The following SUGCT variants were observed in gnomAD, a reference collection of about 807,000 sequenced individuals.
The protein encoded by SUGCT is succinyl-CoA:glutarate-CoA transferase.
A neutral mutation model predicts 55.0 loss-of-function variants in SUGCT; 41 were observed. That is an observed-to-expected ratio of 0.74 (90% CI 0.58 to 0.97). The LOEUF (loss-of-function observed/expected upper bound fraction) is 0.97. Ranked by LOEUF, SUGCT falls within the 50% of genes least tolerant of loss-of-function variation. The pLI is 0.00. For missense variants in SUGCT, 568 were observed against 547.8 expected (o/e 1.04, Z -0.37); for synonymous variants, 187 against 200.4 (o/e 0.93, Z 0.56).
chr7:40,459,228 A>C (rs2151445863), intron 11 of SUGCT, 30 bp downstream of exon 11: 1 of 1,369,098 alleles, frequency 7.3e-7, no homozygotes, highest in East Asian at 2.3e-5. Context: ...TCATCCATTT[A>C]AGAATTAATA....
chr7:40,639,772 C>T (rs1800186903), intron 12 of SUGCT, among the ~76,000 whole-genome samples: 1 of 152,020 alleles, frequency 6.6e-6, no homozygotes, highest in Admixed American at 6.6e-5. Context: ...CTCGGCCTCC[C>T]AAAGTGCTGG....
At chr7:40,442,692 AG>A (rs1788580643) in intron 9 of SUGCT, among the ~76,000 whole-genome samples, 1 of 152,114 alleles carries the variant, frequency 6.6e-6, no homozygotes, top group African/African-American at 2.4e-5. Context: ...CTTGTTAAAA[AG>A]CTTAAAAAGT....
the SUGCT span, among the ~76,000 whole-genome samples, chr7:40,899,358 A>G: frequency 1.3e-5 from 2 of 152,140 alleles, no homozygotes; most frequent in East Asian, 1.9e-4. Context: ...CTCGGTGGCT[A>G]TAAATACGCC....
chr7:40,426,141 G>A (rs140386419), intron 9 of SUGCT, among the ~76,000 whole-genome samples: 251 of 152,210 alleles, frequency 1.6e-3, no homozygotes, highest in South Asian at 4.8e-3. Context: ...AAAGGACTGA[G>A]AGAAGTTACT....
intron 12 of SUGCT, among the ~76,000 whole-genome samples, chr7:40,566,108 C>T (rs1289930440): frequency 6.6e-6 from 1 of 151,974 alleles, no homozygotes; most frequent in Middle Eastern, 3.2e-3. Flanking sequence ...ACTCTGCTTC[C>T]CATGGAGCGT....
At chr7:40,909,026 A>T in the SUGCT span, among the ~76,000 whole-genome samples, 6 of 152,152 alleles carry the variant, frequency 3.9e-5, no homozygotes, top group South Asian at 1.2e-3. Context: ...TACCCCCAAG[A>T]CTATCTCTGG....
the SUGCT span, among the ~76,000 whole-genome samples, chr7:40,934,737 C>T: frequency 6.6e-6 from 1 of 152,192 alleles, no homozygotes; most frequent in Non-Finnish European, 1.5e-5. Flanking sequence ...GGGTGTAGGA[C>T]CCGCCAAGCC....
In SUGCT at chr7:40,459,147, A is replaced by G. The variant is rs1478841744; in HGVS notation, c.935A>G (p.Asn312Ser). 1.2e-6 allele frequency: 2 copies of G among 1,612,026 alleles called. No homozygotes were observed. The highest frequency in any genetic ancestry group is 1.7e-6 in the Non-Finnish European group (2 of 1,178,916). ...ELIDNSKYKT[N>S]HLRVHNRKEL... ...ATTGATAATTCCAAGTATAAAACTAACCACCTTCGGGTACACAATAGAAAA... is the reference window on the plus strand; with the variant it reads ...ATTGATAATTCCAAGTATAAAACTAGCCACCTTCGGGTACACAATAGAAAA... Residue 312 changes from asparagine to serine, a missense_variant, in exon 11 of 14, where the codon AAC becomes AGC. Physicochemically the swap from Asn to Ser is conservative, Grantham distance 46. Coordinates refer to ENST00000335693, the MANE Select transcript of SUGCT (RefSeq NM_001193313.2).
chr7:40,158,077 C>T (rs778402911), intron 1 of SUGCT, among the ~76,000 whole-genome samples: 5 of 151,934 alleles, frequency 3.3e-5, no homozygotes, highest in African/African-American at 4.8e-5. Context: ...TATGGTTGTG[C>T]GTGTCTGTAA....
At chr7:40,256,258 C>T (rs1052163087) in intron 7 of SUGCT, among the ~76,000 whole-genome samples, 1 of 152,134 alleles carries the variant, frequency 6.6e-6, no homozygotes. Flanking sequence ...TTTCTGGGAC[C>T]AGATACAGAT....
At chr7:40,772,738 C>T (rs1474987411) in intron 13 of SUGCT, among the ~76,000 whole-genome samples, 1 of 151,892 alleles carries the variant, frequency 6.6e-6, no homozygotes, top group Non-Finnish European at 1.5e-5. Context: ...TCAAGGGATC[C>T]TCCCACCTCA....
intron 6 of SUGCT, among the ~76,000 whole-genome samples, chr7:40,215,552 A>C (rs1045542433): frequency 6.6e-6 from 1 of 152,164 alleles, no homozygotes; most frequent in African/African-American, 2.4e-5. Context: ...AAATACAATT[A>C]ATGTTAAGAG....
intron 8 of SUGCT, among the ~76,000 whole-genome samples, chr7:40,292,205 T>C (rs1793832249): frequency 6.6e-6 from 1 of 152,210 alleles, no homozygotes; most frequent in Admixed American, 6.5e-5. Flanking sequence ...TTTACATTGC[T>C]GGTGGAGTTG....
intron 13 of SUGCT, among the ~76,000 whole-genome samples, chr7:40,859,814 G>A (rs1344879740): frequency 3.3e-5 from 5 of 152,180 alleles, no homozygotes; most frequent in African/African-American, 1.2e-4. Context: ...ACCACCAAAA[G>A]CCTTGAACCA....
chr7:40,725,928 C>T (rs575763198), intron 12 of SUGCT, among the ~76,000 whole-genome samples: 1 of 152,028 alleles, frequency 6.6e-6, no homozygotes, highest in Non-Finnish European at 1.5e-5. Context: ...AGAGGGATGG[C>T]AAAGAGCTCC....
At chr7:40,430,463 C>T (rs1437522330) in intron 9 of SUGCT, among the ~76,000 whole-genome samples, 2 of 152,118 alleles carry the variant, frequency 1.3e-5, no homozygotes. Context: ...ATTTTTATGT[C>T]TTCTTTAGAG....
chr7:40,948,921 G>T, the SUGCT span, among the ~76,000 whole-genome samples: 4 of 152,170 alleles, frequency 2.6e-5, no homozygotes, highest in Admixed American at 2.6e-4. Context: ...ACATACGTAT[G>T]CATGTGTCTT....
intron 12 of SUGCT, among the ~76,000 whole-genome samples, chr7:40,605,517 T>C (rs1584111274): frequency 6.6e-6 from 1 of 152,354 alleles, no homozygotes; most frequent in Non-Finnish European, 1.5e-5. Context: ...TTCATTCATT[T>C]ATTTTTCAGT....
At chr7:40,673,320 T>C (rs1203063997) in intron 12 of SUGCT, among the ~76,000 whole-genome samples, 1 of 152,186 alleles carries the variant, frequency 6.6e-6, no homozygotes, top group African/African-American at 2.4e-5. Flanking sequence ...TCTGTTACTC[T>C]CACCAACATG....
Sources: gnomAD v4.1 joint callset for allele counts (sites outside exome capture counted in the v4.1 genomes callset) on GRCh38, gnomAD v4.1.1 for gene constraint, MANE v1.5 for transcripts, NCBI Gene and HGNC (gene_info 2026-07-23, HGNC 2026-07-21) for gene names.